Variants in FAM124B observed in about 807,000 individuals in gnomAD.
The protein encoded by FAM124B is family with sequence similarity 124 member B, also known as protein FAM124B.
Under a neutral mutation model 19.7 loss-of-function variants are expected in FAM124B, and 18 were observed. The observed-to-expected ratio is 0.92, with a 90% CI of 0.63 to 1.36. FAM124B has a LOEUF of 1.36. FAM124B is among the 40% of genes most tolerant of loss of function. The probability of loss-of-function intolerance (pLI) is 0.00; values close to 1 mark genes in which losing one functional copy is unlikely to be tolerated. For synonymous variants in FAM124B, 223 were observed against 225.2 expected (o/e 0.99, Z 0.09); for missense variants, 540 against 553.3 (o/e 0.98, Z 0.24).
chr2:224,389,796 A>G (rs144621945), intron 1 of FAM124B, among the ~76,000 whole-genome samples: 509 of 152,222 alleles, frequency 3.3e-3, no homozygotes, highest in African/African-American at 0.012. Flanking sequence ...GTGATAACCA[A>G]CCCCACAAGG....
rs1559312871 is a variant in FAM124B, at chr2:224,401,373, G to A, written c.396C>T (p.His132=). The change falls in exon 1 of 2, where the codon CAC becomes CAT. Residue 132 remains histidine (H), a synonymous_variant. Transcript: ENST00000409685. ...TCACCCTCAGGATCTCGGAGCCACAGTGCACCTGCCTCACCCCCCAGATGG... is the reference window on the plus strand; with the variant it reads ...TCACCCTCAGGATCTCGGAGCCACAATGCACCTGCCTCACCCCCCAGATGG... ...QLPIWGVRQV[H]CGSEILRVTL... 6.2e-7 allele frequency: 1 copy of A among 1,614,062 alleles called. No individual in the cohort carries two copies. The highest frequency in any genetic ancestry group is 1.7e-5 in the Admixed American group (1 of 60,012).
In FAM124B at chr2:224,379,858, C is replaced by G. The variant is rs374310032; in HGVS notation, c.1083G>C (p.Thr361=). The part of the protein sequence containing the change: ...ENSFQKLEAE[T]NVDTGLTIIN... ...TGATGGTCAAGCCGGTGTCAACATT[C>G]GTCTCGGCCTCAAGCTTCTGAAAGC... is the stretch of plus-strand genomic sequence containing the variant. Residue 361 remains threonine (T), a synonymous_variant, in exon 2 of 2, where the codon ACG becomes ACC. Coordinates refer to ENST00000409685, the MANE Select transcript of FAM124B (RefSeq NM_001122779.2). The G allele has an allele frequency of 2.6e-6, 4 of 1,552,062 alleles. No homozygotes were observed. The highest frequency in any genetic ancestry group is 2.6e-6 in the Non-Finnish European group (3 of 1,147,120).
At position 224,379,907 on chromosome 2, in the gene FAM124B, A is replaced by C; in HGVS notation, c.1034T>G (p.Met345Arg). The part of the protein sequence containing the change: ...SSHHLESGAR[M>R]KVLNRENSFQ... Reference sequence around the variant, plus strand: ...GCTGTTTTCCCGGTTGAGGACCTTCATTCTGGCCCCGGATTCAAGGTGATG... The same window carrying C: ...GCTGTTTTCCCGGTTGAGGACCTTCCTTCTGGCCCCGGATTCAAGGTGATG... The change falls in exon 2 of 2, where the codon ATG becomes AGG. Residue 345 changes from methionine (M) to arginine (R), a missense_variant. Coordinates refer to ENST00000409685, the MANE Select transcript of FAM124B (RefSeq NM_001122779.2). The C allele has an allele frequency of 6.4e-7, 1 of 1,551,862 alleles. No individual in the cohort carries two copies. Among genetic ancestry groups the C allele is most frequent in the Non-Finnish European group, 8.7e-7 (1 of 1,146,992 alleles).
intron 1 of FAM124B, among the ~76,000 whole-genome samples, chr2:224,394,564 A>G (rs1689939087): frequency 6.6e-6 from 1 of 152,122 alleles, no homozygotes; most frequent in African/African-American, 2.4e-5. Context: ...AACCTGTCCT[A>G]TTTGATGCTA....
chr2:224,391,333 T>C (rs1450530943), intron 1 of FAM124B, among the ~76,000 whole-genome samples: 1 of 144,314 alleles, frequency 6.9e-6, no homozygotes, highest in African/African-American at 2.6e-5. Context: ...AGAGCAAGAC[T>C]CTTGTCTCAA....
rs530741896 is a variant in FAM124B, at chr2:224,386,135, T to C, written c.733-5927A>G. On this transcript the variant is annotated intron_variant, in intron 1 of 1. Transcript: ENST00000409685. ...TTAAGATAAAATCTAAGCCCTTGGA[T>C]GTGGCCTGCCTCACCCTTTACTGTC... Among the ~76,000 whole-genome samples, 22 of 152,346 alleles carry C rather than the reference T, an allele frequency of 1.4e-4. No individual in the cohort carries two copies. In the East Asian group the frequency reaches 4.0e-3, roughly 28 times the overall value.
Position 224,380,046 on chromosome 2 carries a change from C to A in FAM124B, c.895G>T (p.Glu299Ter). ...RSQGHSLELP[E>*]PSGSPTSDRC... ...TCTGATGTGGGGCTCCCACTGGGCTCAGGAAGCTCCAGAGAATGCCCCTGG... is the reference window on the plus strand; with the variant it reads ...TCTGATGTGGGGCTCCCACTGGGCTAAGGAAGCTCCAGAGAATGCCCCTGG... Residue 299 changes from glutamate (E) to a stop codon, truncating the protein, a stop_gained, in exon 2 of 2, where the codon GAG becomes TAG. Coordinates refer to ENST00000409685, the MANE Select transcript of FAM124B (RefSeq NM_001122779.2). LOFTEE classifies it low-confidence loss of function (END_TRUNC). 1 of 1,551,684 alleles carries A rather than the reference C, an allele frequency of 6.4e-7. No homozygotes were observed. Among genetic ancestry groups the A allele is most frequent in the African/African-American group, 1.4e-5 (1 of 73,162 alleles).
At chr2:224,396,117 C>G (rs1021464418) in intron 1 of FAM124B, among the ~76,000 whole-genome samples, 1 of 152,146 alleles carries the variant, frequency 6.6e-6, no homozygotes, top group Non-Finnish European at 1.5e-5. Flanking sequence ...GGAGTGAGCC[C>G]AAAAAGTCCC....
At chr2:224,394,857 A>G (rs1689945304) in intron 1 of FAM124B, among the ~76,000 whole-genome samples, 1 of 152,118 alleles carries the variant, frequency 6.6e-6, no homozygotes, top group Non-Finnish European at 1.5e-5. Context: ...GCAGCTCTAC[A>G]GTGCATTTCC....
intron 1 of FAM124B, among the ~76,000 whole-genome samples, chr2:224,386,721 C>T (rs1232764507): frequency 1.3e-5 from 2 of 152,128 alleles, no homozygotes; most frequent in Non-Finnish European, 2.9e-5. Flanking sequence ...TCTTTGTTAT[C>T]GTATGTCCAG....
At chr2:224,389,962 C>G (rs1483671323) in intron 1 of FAM124B, among the ~76,000 whole-genome samples, 1 of 151,858 alleles carries the variant, frequency 6.6e-6, no homozygotes, top group Non-Finnish European at 1.5e-5. Context: ...TTACTGACAT[C>G]CAACTGATAG....
intron 1 of FAM124B, among the ~76,000 whole-genome samples, chr2:224,384,075 A>G (rs955690369): frequency 2.6e-5 from 4 of 152,128 alleles, no homozygotes; most frequent in South Asian, 2.1e-4. Flanking sequence ...TGAAGCCCCA[A>G]CCAGTGCCGA....
chr2:224,391,698 T>C (rs1034803620), intron 1 of FAM124B, among the ~76,000 whole-genome samples: 3 of 152,208 alleles, frequency 2.0e-5, no homozygotes, highest in Non-Finnish European at 4.4e-5. Context: ...AAGCTTGAAC[T>C]TTGGAGACAG....
At chr2:224,393,820 C>T (rs1308939503) in intron 1 of FAM124B, among the ~76,000 whole-genome samples, 1 of 152,208 alleles carries the variant, frequency 6.6e-6, no homozygotes, top group Non-Finnish European at 1.5e-5. Context: ...GTCCTCAACT[C>T]TTCAGAAAGA....
chr2:224,392,106 T>C (rs1231625960), intron 1 of FAM124B, among the ~76,000 whole-genome samples: 1 of 152,186 alleles, frequency 6.6e-6, no homozygotes, highest in Admixed American at 6.5e-5. Flanking sequence ...GCTAAATATC[T>C]TTTGATTGTT....
chr2:224,401,386 A>AC lies in FAM124B; in HGVS notation c.382dup (p.Val128GlyfsTer20). The AC allele has an allele frequency of 6.2e-7, 1 of 1,613,664 alleles. No homozygotes were observed. Among genetic ancestry groups the AC allele is most frequent in the Non-Finnish European group, 8.5e-7 (1 of 1,179,952 alleles). On this transcript the variant is annotated frameshift_variant, in exon 1 of 2. Coordinates refer to ENST00000409685, the MANE Select transcript of FAM124B (RefSeq NM_001122779.2). LOFTEE classifies it high-confidence loss of function. The stretch of plus-strand genomic sequence containing the variant: ...CTCGGAGCCACAGTGCACCTGCCTC[A>AC]CCCCCCAGATGGGCAGCTGACTGTC...
At chr2:224,383,459 T>C (rs2106077464) in intron 1 of FAM124B, among the ~76,000 whole-genome samples, 1 of 152,228 alleles carries the variant, frequency 6.6e-6, no homozygotes, top group Non-Finnish European at 1.5e-5. Context: ...CCCTCCTTTC[T>C]TCCTTCTCTC....
At position 224,379,505 on chromosome 2, in the gene FAM124B, G is replaced by T; in HGVS notation, c.*68C>A. 4.1e-6 allele frequency: 6 copies of T among 1,461,004 alleles called. No individual in the cohort carries two copies. 90.5% of individuals were successfully genotyped at this position (1,461,004 alleles called of 1,614,324 possible). A position where few individuals can be genotyped will look rare whatever the true frequency, so the allele number is the denominator to read the frequency against. ...GATGAACAACTAACAGGCTGATTCTGGGTCAGTACTCCATTTCTAGAACAT... is the reference window on the plus strand; with the variant it reads ...GATGAACAACTAACAGGCTGATTCTTGGTCAGTACTCCATTTCTAGAACAT... On this transcript the variant is annotated 3_prime_UTR_variant, in exon 2 of 2. Coordinates refer to ENST00000409685, the MANE Select transcript of FAM124B (RefSeq NM_001122779.2).
At chr2:224,396,980 G>A (rs921664637) in intron 1 of FAM124B, among the ~76,000 whole-genome samples, 4 of 152,174 alleles carry the variant, frequency 2.6e-5, no homozygotes, top group Admixed American at 6.5e-5. Flanking sequence ...AGCCAGACTC[G>A]CTACCCAGCC....
Sources: gnomAD v4.1 joint callset for allele counts (sites outside exome capture counted in the v4.1 genomes callset) on GRCh38, gnomAD v4.1.1 for gene constraint, MANE v1.5 for transcripts, NCBI Gene and HGNC (gene_info 2026-07-23, HGNC 2026-07-21) for gene names.